Variants in PRDM16 observed in about 807,000 individuals in gnomAD.
PRDM16 encodes the protein PR/SET domain 16.
A neutral mutation model predicts 110.6 loss-of-function variants in PRDM16; 23 were observed. The ratio of observed to expected loss-of-function variants is 0.21; its 90% CI spans 0.15 to 0.29. PRDM16 has a LOEUF of 0.29. Among genes scored for constraint, PRDM16 ranks in the 10% least tolerant of loss-of-function variants. PRDM16 has a pLI of 1.00. For synonymous variants in PRDM16, 799 were observed against 781.8 expected, an observed-to-expected ratio of 1.02 and a Z score of -0.37; for missense variants, 1,615 against 1,794.3, an observed-to-expected ratio of 0.90 and a Z score of 1.81.
At chr1:3,307,880 G>A (rs1015208308) in intron 3 of PRDM16, 1 of 152,188 alleles carries the variant, frequency 6.6e-6, no homozygotes, top group Non-Finnish European at 1.5e-5. Flanking sequence ...CAGCAAGAGC[G>A]GCTCAGCCTG....
intron 2 of PRDM16, among the ~76,000 whole-genome samples, chr1:3,188,919 G>A (rs1422441280): frequency 1.3e-5 from 2 of 152,226 alleles, no homozygotes; most frequent in East Asian, 3.9e-4. Flanking sequence ...CCCACCTCCA[G>A]CCACCTCAGT....
At chr1:3,340,351 G>A (rs551695078) in intron 3 of PRDM16, among the ~76,000 whole-genome samples, 39 of 152,126 alleles carry the variant, frequency 2.6e-4, no homozygotes, top group Non-Finnish European at 5.0e-4. Context: ...AACAATTTGG[G>A]GACAGATGGC....
chr1:3,432,167 C>G (rs374277205), intron 16 of PRDM16, 27 bp downstream of exon 16: 99 of 1,602,416 alleles, frequency 6.2e-5, no homozygotes, highest in Middle Eastern at 1.7e-4. Context: ...GCCCCTCCCC[C>G]ACCCCACCTG....
chr1:3,387,772 C>T (rs10492938), intron 4 of PRDM16, among the ~76,000 whole-genome samples: 17,745 of 152,248 alleles, frequency 0.12, 1,097 homozygotes, highest in Non-Finnish European at 0.15. Context: ...AGTTATCAAA[C>T]GAAAATGAGC....
rs184931615 is a variant in PRDM16 at position 3,255,179 on chromosome 1, C to G, written c.438+11042C>G. On this transcript the variant is annotated intron_variant, in intron 3 of 16. Transcript: ENST00000270722. This position sits in a 1 kb window ranked among gnomAD's most constrained non-coding sequence, Gnocchi z 4.7. ...ATTCAAGATGGATTAAAGACTTAAA[C>G]GTTAGACCTAAAACCATAAAAACCC... is the stretch of plus-strand genomic sequence containing the variant. Among the ~76,000 whole-genome samples, 2 of 152,046 alleles carry G rather than the reference C, an allele frequency of 1.3e-5. No homozygotes were observed. Among genetic ancestry groups the G allele is most frequent in the East Asian group, 3.9e-4 (2 of 5,174 alleles).
intron 1 of PRDM16, among the ~76,000 whole-genome samples, chr1:3,168,847 C>T (rs1410550747): frequency 1.3e-5 from 2 of 152,174 alleles, no homozygotes; most frequent in Non-Finnish European, 2.9e-5. Context: ...TGGCCACTGT[C>T]GTTCCACTTC....
At chr1:3,238,855 G>A (rs6658664) in intron 2 of PRDM16, among the ~76,000 whole-genome samples, 6,986 of 152,286 alleles carry the variant, frequency 0.046, 524 homozygotes, top group African/African-American at 0.16. Context: ...ACTCGAGTGC[G>A]GGCGCTGCCC....
chr1:3,287,940 C>T (rs1216315413), intron 3 of PRDM16, among the ~76,000 whole-genome samples: 2 of 152,268 alleles, frequency 1.3e-5, no homozygotes, highest in African/African-American at 4.8e-5. Context: ...CCGGCTGGGG[C>T]AGCTGCATGG....
intron 3 of PRDM16, among the ~76,000 whole-genome samples, chr1:3,256,857 A>AAAATAAAT (rs932975887): frequency 3.3e-5 from 3 of 91,376 alleles, no homozygotes; most frequent in African/African-American, 6.9e-5. Context: ...ACTCCATCTC[A>AAAATAAAT]AAATAAATAA....
At chr1:3,404,640 G>C in intron 6 of PRDM16, 99 bp from the exon 7 acceptor site, 1 of 1,426,224 alleles carries the variant, frequency 7.0e-7, no homozygotes, top group South Asian at 1.2e-5. Context: ...CGTGGTGGGG[G>C]CTCCGAAGGG....
At chr1:3,273,838 G>A (rs1211571775) in intron 3 of PRDM16, among the ~76,000 whole-genome samples, 1 of 151,780 alleles carries the variant, frequency 6.6e-6, no homozygotes, top group African/African-American at 2.4e-5. Context: ...GTGTGTGTGT[G>A]TGTGTGTGTG....
chr1:3,181,240 ACACAGTCTTACACACG>A (rs1644167267), intron 1 of PRDM16, among the ~76,000 whole-genome samples: 1 of 40,292 alleles, frequency 2.5e-5, no homozygotes, highest in East Asian at 4.4e-4. Context: ...ACGGTCTTAC[ACACAGTCTTACACACG>A]CAGTCTTACA....
rs752796077 is a variant in PRDM16 at position 3,247,151 on chromosome 1, G to T, written c.438+3014G>T. ...AACCTCATAGGGGAACATGACGGGG[G>T]TGGCTGTGTGACCTGTGGGTGGGCA... On this transcript the variant is annotated intron_variant, in intron 3 of 16. Transcript: ENST00000270722. 5.3e-5 allele frequency among the ~76,000 whole-genome samples: 8 copies of T among 152,290 alleles called. No homozygotes were observed. The Middle Eastern group carries it at 0.01, about 194-fold the overall frequency.
chr1:3,263,018 G>A (rs995109637), intron 3 of PRDM16, among the ~76,000 whole-genome samples: 14 of 152,148 alleles, frequency 9.2e-5, no homozygotes, highest in African/African-American at 2.9e-4. Flanking sequence ...GTGCCCCGGC[G>A]GATGAGGCAT....
chr1:3,421,080 C>T (rs1015452396), intron 12 of PRDM16, among the ~76,000 whole-genome samples: 19 of 152,240 alleles, frequency 1.2e-4, no homozygotes, highest in Admixed American at 1.2e-3. Flanking sequence ...TCGGGGGCTG[C>T]ACGCGGCCCG....
Position 3,412,725 on chromosome 1 carries a change from G to A in PRDM16, c.2528G>A (p.Cys843Tyr). ...GCCGGCGAGGGGCTGCCCCAGGTGT[G>A]CCCGGCGCGGATGCCCCAGCAGCCC... The part of the protein sequence containing the change: ...LGAGEGLPQV[C>Y]PARMPQQPPL... The change falls in exon 9 of 17, where the codon TGC becomes TAC. Residue 843 changes from cysteine to tyrosine, a missense_variant. Physicochemically the swap from Cys to Tyr is radical, Grantham distance 194 (BLOSUM62 -2). Transcript: ENST00000270722. 6.6e-7 allele frequency: 1 copy of A among 1,505,672 alleles called. No individual in the cohort carries two copies. The allele number at this position is 1,505,672 out of a possible 1,614,324, so 93.3% of individuals were successfully genotyped here.
At chr1:3,153,445 C>T (rs1455742406) in intron 1 of PRDM16, among the ~76,000 whole-genome samples, 9 of 152,200 alleles carry the variant, frequency 5.9e-5, no homozygotes, top group South Asian at 2.1e-4. Context: ...GACGGGCGGG[C>T]GGTTCCCCAG....
At position 3,290,772 on chromosome 1, in the gene PRDM16, C is replaced by T. The variant is rs994559171; in HGVS notation, c.438+46635C>T. Among the ~76,000 whole-genome samples, 1 of 151,910 alleles carries T rather than the reference C, an allele frequency of 6.6e-6. No homozygotes were observed. Among genetic ancestry groups the T allele is most frequent in the South Asian group, 2.1e-4 (1 of 4,826 alleles). On this transcript the variant is annotated intron_variant, in intron 3 of 16. Transcript: ENST00000270722. This position sits in a 1 kb window ranked among gnomAD's most constrained non-coding sequence, Gnocchi z 4.8. ...GATCCAAAAATATTGCAGAGTTTCC[C>T]GAGGCAGGCCCTACGAGATCCCTGA...
intron 1 of PRDM16, among the ~76,000 whole-genome samples, chr1:3,146,016 G>T (rs951728622): frequency 6.6e-6 from 1 of 152,190 alleles, no homozygotes; most frequent in East Asian, 1.9e-4. Flanking sequence ...GGCCTCCTGG[G>T]CCCCGTTAGG....
Sources: allele counts gnomAD v4.1 joint callset (sites outside exome capture counted in the v4.1 genomes callset), GRCh38; gene constraint gnomAD v4.1.1; non-coding constraint Gnocchi (gnomAD v3.1); transcripts MANE v1.5; gene names NCBI Gene and HGNC (gene_info 2026-07-23, HGNC 2026-07-21).